The following GALNT9 variants were observed in gnomAD, a reference collection of about 807,000 sequenced individuals.
GALNT9 encodes polypeptide N-acetylgalactosaminyltransferase 9, also known as GalNAc transferase 9.
In GALNT9, 47 loss-of-function variants were observed where a neutral mutation model predicts 63.1. That is an observed-to-expected ratio of 0.75 (90% CI 0.59 to 0.95). The LOEUF (loss-of-function observed/expected upper bound fraction) is 0.95, where lower values mean the gene tolerates loss of function less well. Ranked by LOEUF, GALNT9 falls within the 40% of genes least tolerant of loss-of-function variation. GALNT9 has a pLI of 0.00. For missense variants in GALNT9, 829 were observed against 874.8 expected (o/e 0.95, Z 0.66); for synonymous variants, 396 against 365.7 (o/e 1.08, Z -0.94).
chr12:132,243,806 C>A (rs1158300125), intron 6 of GALNT9, among the ~76,000 whole-genome samples: 1 of 152,198 alleles, frequency 6.6e-6, no homozygotes, highest in Non-Finnish European at 1.5e-5. Context: ...GACTGGGAAT[C>A]AGCCGCTGTC....
At chr12:132,267,928 T>C (rs1465135372) in intron 2 of GALNT9, among the ~76,000 whole-genome samples, 43 of 122,888 alleles carry the variant, frequency 3.5e-4, no homozygotes, top group Non-Finnish European at 4.8e-4. Flanking sequence ...CTCACACACA[T>C]GCACACACAC....
intron 1 of GALNT9, among the ~76,000 whole-genome samples, chr12:132,291,473 C>T (rs1257499769): frequency 3.4e-5 from 5 of 148,526 alleles, no homozygotes; most frequent in South Asian, 2.2e-4. Flanking sequence ...ACAGCACCCA[C>T]GTCCACAGCA....
chr12:132,247,847 G>A, intron 6 of GALNT9, 63 bp downstream of exon 6: 2 of 1,543,974 alleles, frequency 1.3e-6, no homozygotes, highest in Non-Finnish European at 1.7e-6. Flanking sequence ...CCCTCATCCT[G>A]TTCCCAGACG....
At chr12:132,200,267 G>A (rs772799563) in intron 8 of GALNT9, among the ~76,000 whole-genome samples, 15 of 152,204 alleles carry the variant, frequency 9.9e-5, no homozygotes, top group Non-Finnish European at 1.8e-4. Flanking sequence ...GAGTCTCATG[G>A]TGGGAGGCAC....
intron 1 of GALNT9, among the ~76,000 whole-genome samples, chr12:132,326,453 G>A (rs1869039183): frequency 6.6e-6 from 1 of 152,212 alleles, no homozygotes; most frequent in Non-Finnish European, 1.5e-5. Flanking sequence ...TTCCTTAGGA[G>A]TTCTTTGCCA....
chr12:132,304,199 A>G (rs1202976257), intron 1 of GALNT9, among the ~76,000 whole-genome samples: 1 of 20,762 alleles, frequency 4.8e-5, no homozygotes, highest in African/African-American at 2.1e-4. Flanking sequence ...GCCCTCACCC[A>G]GACACGCCCT....
intron 8 of GALNT9, chr12:132,200,908 TGTG>T: frequency 1.8e-6 from 1 of 563,336 alleles, no homozygotes; most frequent in Non-Finnish European, 3.2e-6. Flanking sequence ...ACCTGCACCT[TGTG>T]TGTGCACGTG....
At chr12:132,317,872 T>C (rs28635760) in intron 1 of GALNT9, among the ~76,000 whole-genome samples, 65,699 of 152,046 alleles carry the variant, frequency 0.43, 14,583 homozygotes, top group African/African-American at 0.54. Context: ...ACCTCTAGAT[T>C]TCATTATTTC....
At chr12:132,255,541 C>G (rs1359566810) in intron 5 of GALNT9, among the ~76,000 whole-genome samples, 1 of 152,208 alleles carries the variant, frequency 6.6e-6, no homozygotes, top group African/African-American at 2.4e-5. Context: ...TCATCTGCAT[C>G]ATAAAACCTC....
intron 6 of GALNT9, among the ~76,000 whole-genome samples, chr12:132,204,268 G>C (rs768714597): frequency 3.3e-5 from 5 of 151,234 alleles, no homozygotes; most frequent in African/African-American, 1.2e-4. Flanking sequence ...CTTCCGTGTC[G>C]TTCCACTTAA....
chr12:132,210,790 C>T (rs769473975), intron 6 of GALNT9, among the ~76,000 whole-genome samples: 4 of 151,696 alleles, frequency 2.6e-5, no homozygotes, highest in Non-Finnish European at 5.9e-5. Context: ...ATCTGGAGGT[C>T]GCCGTCTGGC....
chr12:132,328,600 C>A, intron 1 of GALNT9, among the ~76,000 whole-genome samples: 1 of 152,192 alleles, frequency 6.6e-6, no homozygotes. Flanking sequence ...ACCTGACGGC[C>A]CCCACTCCTG....
At chr12:132,197,745 G>GCCCTGCCCCCCCCCCACCCCCCCGCCCC in intron 10 of GALNT9, 47 bp downstream of exon 10, 1 of 1,371,448 alleles carries the variant, frequency 7.3e-7, no homozygotes, top group Non-Finnish European at 1.0e-6. Flanking sequence ...GGTCCCAGCA[G>GCCCTGCCCCCCCCCCACCCCCCCGCCCC]CCCTGCCCCG....
intron 6 of GALNT9, among the ~76,000 whole-genome samples, chr12:132,204,877 C>T (rs1876548699): frequency 6.6e-6 from 1 of 152,106 alleles, no homozygotes; most frequent in African/African-American, 2.4e-5. Context: ...CAGCCCTGAG[C>T]CTGCCATGCT....
At chr12:132,206,747 G>A (rs1438047605) in intron 6 of GALNT9, among the ~76,000 whole-genome samples, 1 of 152,172 alleles carries the variant, frequency 6.6e-6, no homozygotes, top group African/African-American at 2.4e-5. Flanking sequence ...CCGGCAACTG[G>A]GAGGAGGAGC....
At chr12:132,261,153 C>A in intron 3 of GALNT9, 31 bp from the exon 4 acceptor site, 1 of 1,544,676 alleles carries the variant, frequency 6.5e-7, no homozygotes, top group Non-Finnish European at 8.7e-7. Context: ...AGCACGCTGG[C>A]AGGTGCTGGC....
intron 6 of GALNT9, among the ~76,000 whole-genome samples, chr12:132,205,075 G>A (rs762530402): frequency 1.3e-5 from 2 of 152,152 alleles, no homozygotes; most frequent in Admixed American, 6.5e-5. Flanking sequence ...AGCTGAGCTC[G>A]GATCCCTCAG....
Position 132,301,348 on chromosome 12 carries a change from G to A in GALNT9, c.239-14918C>T, listed in dbSNP as rs569285789. On this transcript the variant is annotated intron_variant, in intron 1 of 10. Coordinates refer to ENST00000328957, the MANE Select transcript of GALNT9 (RefSeq NM_001122636.2). Reference sequence around the variant, plus strand: ...GTGCCTGCCTGGCCTTGGGGACCACGGCTGTGCTTCCACTCCGCGCCCTGT... The same window carrying A: ...GTGCCTGCCTGGCCTTGGGGACCACAGCTGTGCTTCCACTCCGCGCCCTGT... Among the ~76,000 whole-genome samples the A allele has an allele frequency of 9.2e-5, 14 of 152,380 alleles. No homozygotes were observed. In the South Asian group the frequency reaches 1.4e-3, roughly 16 times the overall value.
chr12:132,213,907 G>A (rs1470950955), intron 6 of GALNT9, among the ~76,000 whole-genome samples: 1 of 152,252 alleles, frequency 6.6e-6, no homozygotes, highest in African/African-American at 2.4e-5. Context: ...CCCGGTCACG[G>A]AGCAGCCCTG....
Sources: gnomAD v4.1 joint callset for allele counts (sites outside exome capture counted in the v4.1 genomes callset) on GRCh38, gnomAD v4.1.1 for gene constraint, MANE v1.5 for transcripts, NCBI Gene and HGNC (gene_info 2026-07-23, HGNC 2026-07-21) for gene names.